The following GRID2 variants were observed in gnomAD, a reference collection of about 807,000 sequenced individuals.
GRID2 encodes the protein glutamate ionotropic receptor delta type subunit 2.
Under a neutral mutation model 114.8 loss-of-function variants are expected in GRID2, and 33 were observed. The ratio of observed to expected loss-of-function variants is 0.29; its 90% CI spans 0.22 to 0.38. The LOEUF is 0.38. Among genes scored for constraint, GRID2 ranks in the 10% least tolerant of loss-of-function variants. The probability of loss-of-function intolerance (pLI) is 1.00; values close to 1 mark genes in which losing one functional copy is unlikely to be tolerated. For synonymous variants in GRID2, 505 were observed against 449.9 expected, an observed-to-expected ratio of 1.12 and a Z score of -1.55; for missense variants, 1,184 against 1,257.7, an observed-to-expected ratio of 0.94 and a Z score of 0.89.
intron 13 of GRID2, among the ~76,000 whole-genome samples, chr4:93,615,646 A>G (rs1286310741): frequency 1.3e-5 from 2 of 151,976 alleles, no homozygotes; most frequent in Non-Finnish European, 2.9e-5. Flanking sequence ...CCCCAAAAAA[A>G]AAAAAAAAGG....
chr4:92,354,433 T>C (rs1462272755), intron 1 of GRID2, among the ~76,000 whole-genome samples: 7 of 151,990 alleles, frequency 4.6e-5, no homozygotes, highest in Non-Finnish European at 8.8e-5. Context: ...GAAGTCTTCA[T>C]TTCTGAAATG....
intron 1 of GRID2, among the ~76,000 whole-genome samples, chr4:92,471,140 G>A (rs1722014268): frequency 6.6e-6 from 1 of 151,790 alleles, no homozygotes; most frequent in African/African-American, 2.4e-5. Context: ...AAGAGCGAAT[G>A]GTACAGTAAA....
At chr4:92,451,643 C>A (rs1003895433) in intron 1 of GRID2, among the ~76,000 whole-genome samples, 7 of 151,980 alleles carry the variant, frequency 4.6e-5, no homozygotes, top group Non-Finnish European at 1.0e-4. Flanking sequence ...AGAAAGGAAA[C>A]CCATTTCACC....
At chr4:93,430,347 ATT>A (rs1769290669) in intron 10 of GRID2, among the ~76,000 whole-genome samples, 1 of 151,954 alleles carries the variant, frequency 6.6e-6, no homozygotes, top group African/African-American at 2.4e-5. Flanking sequence ...TACCCGGCTA[ATT>A]TTTGTATTTT....
At chr4:92,749,253 C>T (rs1446124292) in intron 2 of GRID2, among the ~76,000 whole-genome samples, 1 of 151,140 alleles carries the variant, frequency 6.6e-6, no homozygotes, top group East Asian at 2.0e-4. Context: ...CTGCCCGCCT[C>T]CCAAAGTACT....
At chr4:93,540,107 T>C (rs1732511331) in intron 13 of GRID2, among the ~76,000 whole-genome samples, 1 of 152,052 alleles carries the variant, frequency 6.6e-6, no homozygotes, top group Non-Finnish European at 1.5e-5. Flanking sequence ...ATTTTTTCCT[T>C]GGAAATTTTC....
intron 2 of GRID2, among the ~76,000 whole-genome samples, chr4:92,672,379 A>G (rs1431670034): frequency 6.6e-6 from 1 of 152,144 alleles, no homozygotes; most frequent in Non-Finnish European, 1.5e-5. Context: ...TGAATTTACA[A>G]TCATTCCTTA....
At chr4:92,807,164 T>C (rs1003994393) in intron 2 of GRID2, among the ~76,000 whole-genome samples, 3 of 152,026 alleles carry the variant, frequency 2.0e-5, no homozygotes, top group Admixed American at 6.6e-5. Flanking sequence ...AACAGATTGC[T>C]TTCTTGTCAT....
At chr4:92,434,229 G>A (rs1732618720) in intron 1 of GRID2, among the ~76,000 whole-genome samples, 1 of 151,690 alleles carries the variant, frequency 6.6e-6, no homozygotes, top group Admixed American at 6.6e-5. Context: ...TTCATGGACT[G>A]TTTTTTTTGC....
At chr4:93,583,241 G>T (rs1011453772) in intron 13 of GRID2, among the ~76,000 whole-genome samples, 38 of 152,210 alleles carry the variant, frequency 2.5e-4, no homozygotes, top group Non-Finnish European at 5.4e-4. Context: ...GTTCAAGATG[G>T]ACATGAATTT....
rs1177344725 is a variant in GRID2, at chr4:93,559,149, G to T, written c.2193+43738G>T. 5.3e-5 allele frequency among the ~76,000 whole-genome samples: 8 copies of T among 152,168 alleles called. No individual in the cohort carries two copies. The East Asian group carries it at 1.5e-3, about 29-fold the overall frequency. On this transcript the variant is annotated intron_variant, in intron 13 of 15. Transcript: ENST00000282020. The stretch of plus-strand genomic sequence containing the variant: ...CATATGACCAACCCATAAAACCTAG[G>T]CAATAGCATTCAGGACATAGGCATG...
chr4:92,947,450 A>T (rs943852531), intron 2 of GRID2, among the ~76,000 whole-genome samples: 5 of 152,006 alleles, frequency 3.3e-5, no homozygotes, highest in African/African-American at 9.6e-5. Flanking sequence ...CATTTTGTAT[A>T]GTAGTGACAT....
At chr4:92,327,799 A>G (rs965687581) in intron 1 of GRID2, among the ~76,000 whole-genome samples, 4 of 151,978 alleles carry the variant, frequency 2.6e-5, no homozygotes, top group Admixed American at 1.3e-4. Context: ...CTGAACACGT[A>G]TTCTTTGGCT....
chr4:92,314,023 C>A (rs915573883), intron 1 of GRID2, among the ~76,000 whole-genome samples: 3 of 152,018 alleles, frequency 2.0e-5, no homozygotes, highest in African/African-American at 7.2e-5. Flanking sequence ...AAAATTGATA[C>A]ACCTTTTTCT....
At chr4:92,452,517 T>A (rs1212461192) in intron 1 of GRID2, among the ~76,000 whole-genome samples, 1 of 152,084 alleles carries the variant, frequency 6.6e-6, no homozygotes, top group East Asian at 1.9e-4. Flanking sequence ...GGTTTCACCA[T>A]GTTGGCCATG....
chr4:93,644,392 T>C (rs533663519), intron 14 of GRID2, among the ~76,000 whole-genome samples: 36 of 152,290 alleles, frequency 2.4e-4, no homozygotes, highest in African/African-American at 8.7e-4. Flanking sequence ...GCAATGTCCA[T>C]GGCATGACAG....
At chr4:93,460,315 C>T (rs894076820) in intron 11 of GRID2, among the ~76,000 whole-genome samples, 1 of 152,164 alleles carries the variant, frequency 6.6e-6, no homozygotes, top group African/African-American at 2.4e-5. Flanking sequence ...CCAGTTACTC[C>T]AAACTTACGG....
At chr4:93,635,918 A>C (rs555058841) in intron 14 of GRID2, among the ~76,000 whole-genome samples, 33 of 152,270 alleles carry the variant, frequency 2.2e-4, no homozygotes, top group African/African-American at 7.7e-4. Flanking sequence ...ATTTTAAACA[A>C]TTATAAACCT....
intron 1 of GRID2, among the ~76,000 whole-genome samples, chr4:92,336,510 A>G (rs890575389): frequency 1.3e-5 from 2 of 152,236 alleles, no homozygotes; most frequent in African/African-American, 2.4e-5. Context: ...AGTTCCCATC[A>G]TCTCTGACTT....
Sources: allele counts gnomAD v4.1 joint callset (sites outside exome capture counted in the v4.1 genomes callset), GRCh38; gene constraint gnomAD v4.1.1; transcripts MANE v1.5; gene names NCBI Gene and HGNC (gene_info 2026-07-23, HGNC 2026-07-21).